NTM: variants seen among roughly 807,000 people sequenced by gnomAD.
The protein encoded by NTM is neurotrimin.
A neutral mutation model predicts 42.1 loss-of-function variants in NTM; 13 were observed. That is an observed-to-expected ratio of 0.31 (90% confidence interval 0.20 to 0.49). The LOEUF is 0.49. Among genes scored for constraint, NTM ranks in the 20% least tolerant of loss-of-function variants. The pLI is 0.99. For synonymous variants in NTM, 187 were observed against 179.2 expected, an observed-to-expected ratio of 1.04 and a Z score of -0.35; for missense variants, 373 against 452.8, an observed-to-expected ratio of 0.82 and a Z score of 1.60.
intron 1 of NTM, among the ~76,000 whole-genome samples, chr11:131,872,625 G>A (rs1448149414): frequency 1.3e-5 from 2 of 152,192 alleles, no homozygotes; most frequent in East Asian, 3.8e-4. Flanking sequence ...GAAAGAATAT[G>A]AATGGTGTAT....
chr11:131,391,135 T>C (rs1943941037), intron 1 of NTM, among the ~76,000 whole-genome samples: 1 of 152,210 alleles, frequency 6.6e-6, no homozygotes, highest in Non-Finnish European at 1.5e-5. Flanking sequence ...TTATTTAATC[T>C]TTCCCTGAAC....
intron 2 of NTM, among the ~76,000 whole-genome samples, chr11:132,104,481 G>C (rs1043398022): frequency 6.6e-6 from 1 of 151,974 alleles, no homozygotes; most frequent in Middle Eastern, 3.4e-3. Flanking sequence ...GCCAGGTGCA[G>C]TGACTCACAT....
intron 2 of NTM, among the ~76,000 whole-genome samples, chr11:131,944,371 C>T (rs1370638193): frequency 2.0e-5 from 3 of 152,160 alleles, no homozygotes; most frequent in African/African-American, 4.8e-5. Context: ...ATTTGGGAGG[C>T]CCCAGTTTTG....
At chr11:131,553,313 C>T (rs942649438) in intron 1 of NTM, among the ~76,000 whole-genome samples, 14 of 152,022 alleles carry the variant, frequency 9.2e-5, no homozygotes, top group East Asian at 1.9e-4. Flanking sequence ...TATATTCTAC[C>T]GGTTTTTAAA....
chr11:132,155,751 A>G (rs2073047035), intron 3 of NTM, among the ~76,000 whole-genome samples: 1 of 152,250 alleles, frequency 6.6e-6, no homozygotes, highest in Non-Finnish European at 1.5e-5. Flanking sequence ...CTACTCTGAG[A>G]AAGAAAGATG....
chr11:131,969,117 G>T (rs2063211664), intron 2 of NTM, among the ~76,000 whole-genome samples: 1 of 152,184 alleles, frequency 6.6e-6, no homozygotes, highest in South Asian at 2.1e-4. Flanking sequence ...GCTGCTTAAG[G>T]AATAATAGTA....
chr11:132,241,213 G>A (rs1437400303), intron 4 of NTM, among the ~76,000 whole-genome samples: 1 of 151,912 alleles, frequency 6.6e-6, no homozygotes, highest in Non-Finnish European at 1.5e-5. Context: ...TTCACATAAG[G>A]GATACTCAAC....
chr11:132,136,810 C>A (rs773704306), intron 2 of NTM, among the ~76,000 whole-genome samples: 32 of 151,992 alleles, frequency 2.1e-4, no homozygotes, highest in Non-Finnish European at 4.4e-4. Context: ...GGATCCAGGT[C>A]GGATTCTGGG....
intron 8 of NTM, among the ~76,000 whole-genome samples, chr11:132,333,944 G>C (rs2095845025): frequency 6.6e-6 from 1 of 152,216 alleles, no homozygotes; most frequent in East Asian, 1.9e-4. Flanking sequence ...CCAACGCTGA[G>C]CATCCAAGTC....
At chr11:131,788,119 G>C (rs2089570163) in intron 1 of NTM, among the ~76,000 whole-genome samples, 1 of 151,896 alleles carries the variant, frequency 6.6e-6, no homozygotes, top group South Asian at 2.1e-4. Flanking sequence ...TTGTTCCTTT[G>C]TTTGTTTTTA....
chr11:131,771,762 C>G (rs2086133862), intron 1 of NTM: 1 of 152,146 alleles, frequency 6.6e-6, no homozygotes, highest in Admixed American at 6.5e-5. Flanking sequence ...AGCCTGATCC[C>G]TGCATTTCTG....
At position 132,212,073 on chromosome 11, in the gene NTM, A is replaced by G; in HGVS notation, c.452A>G (p.Asn151Ser). ...ISSDISINEG[N>S]NISLTCIATG... ...TCAGATATCTCCATTAATGAAGGGA[A>G]CAATATTAGCCTCACCTGCATAGCA... The change falls in exon 4 of 9, where the codon AAC becomes AGC. Residue 151 changes from asparagine to serine, a missense_variant. By Grantham distance (46) the Asn-to-Ser change is conservative. Coordinates refer to ENST00000683400, the MANE Select transcript of NTM (RefSeq NM_001352005.2). 1 of 1,613,586 alleles carries G rather than the reference A, an allele frequency of 6.2e-7. No homozygotes were observed. The highest frequency in any genetic ancestry group is 8.5e-7 in the Non-Finnish European group (1 of 1,179,584).
At chr11:131,384,803 G>A (rs1253432323) in intron 1 of NTM, among the ~76,000 whole-genome samples, 1 of 152,222 alleles carries the variant, frequency 6.6e-6, no homozygotes, top group African/African-American at 2.4e-5. Flanking sequence ...ATTAGATTCA[G>A]CTGCAAATGA....
At chr11:131,884,996 C>A (rs1453150941) in intron 1 of NTM, among the ~76,000 whole-genome samples, 1 of 152,170 alleles carries the variant, frequency 6.6e-6, no homozygotes, top group Non-Finnish European at 1.5e-5. Flanking sequence ...AGCATTACAG[C>A]TGGGTAACAG....
At chr11:132,088,632 A>G (rs1241410643) in intron 2 of NTM, among the ~76,000 whole-genome samples, 1 of 152,188 alleles carries the variant, frequency 6.6e-6, no homozygotes, top group African/African-American at 2.4e-5. Context: ...TGGTGGCTCT[A>G]CCCAATTCCT....
At chr11:132,021,389 G>A (rs2074304720) in intron 2 of NTM, among the ~76,000 whole-genome samples, 1 of 152,116 alleles carries the variant, frequency 6.6e-6, no homozygotes, top group South Asian at 2.1e-4. Flanking sequence ...CAATCAGAGA[G>A]TTTCTATTGC....
Position 131,490,545 on chromosome 11 carries a change from C to T in NTM, c.82+119657C>T, listed in dbSNP as rs573432071. ...TTCCATGGCTGAATTCAGCTGGGTG[C>T]GCCTCTGAAGTTGAAGCATCCAGAA... On this transcript the variant is annotated intron_variant, in intron 1 of 8. Coordinates refer to ENST00000683400, the MANE Select transcript of NTM (RefSeq NM_001352005.2). Among the ~76,000 whole-genome samples, 30 of 152,188 alleles carry T rather than the reference C, an allele frequency of 2.0e-4. 1 individual carries two copies. Among genetic ancestry groups the T allele is most frequent in the Middle Eastern group, 6.8e-3 (2 of 294 alleles).
intron 3 of NTM, among the ~76,000 whole-genome samples, chr11:132,179,771 A>G (rs1340565360): frequency 6.6e-6 from 1 of 152,170 alleles, no homozygotes. Context: ...CTTTACCAGC[A>G]GGGACTCATG....
chr11:131,493,829 C>T (rs1955053273), intron 1 of NTM, among the ~76,000 whole-genome samples: 1 of 152,200 alleles, frequency 6.6e-6, no homozygotes, highest in Non-Finnish European at 1.5e-5. Flanking sequence ...TTTTCTATTC[C>T]ATCAAGGCTG....
Sources: allele counts gnomAD v4.1 joint callset (sites outside exome capture counted in the v4.1 genomes callset), GRCh38; gene constraint gnomAD v4.1.1; transcripts MANE v1.5; gene names NCBI Gene and HGNC (gene_info 2026-07-23, HGNC 2026-07-21).